Variants in BMP5 observed in about 807,000 individuals in gnomAD.
BMP5 encodes the protein bone morphogenetic protein 5.
In BMP5, 23 loss-of-function variants were observed where a neutral mutation model predicts 46.6. The ratio of observed to expected loss-of-function variants is 0.49; its 90% confidence interval spans 0.35 to 0.70. The LOEUF is 0.70. Among genes scored for constraint, BMP5 ranks in the 30% least tolerant of loss-of-function variants. The probability of loss-of-function intolerance (pLI) is 0.00; values close to 1 mark genes in which losing one functional copy is unlikely to be tolerated. For synonymous variants in BMP5, 204 were observed against 191.9 expected, an observed-to-expected ratio of 1.06 and a Z score of -0.52; for missense variants, 545 against 565.6, an observed-to-expected ratio of 0.96 and a Z score of 0.37.
intron 2 of BMP5, among the ~76,000 whole-genome samples, chr6:55,800,581 T>C (rs569558716): frequency 1.3e-5 from 2 of 152,286 alleles, no homozygotes; most frequent in East Asian, 1.9e-4. Flanking sequence ...GCATGTAGTA[T>C]TGGAAATGTT....
At chr6:55,851,702 G>A (rs560015795) in intron 1 of BMP5, among the ~76,000 whole-genome samples, 1 of 152,212 alleles carries the variant, frequency 6.6e-6, no homozygotes, top group East Asian at 1.9e-4. Flanking sequence ...CAACTTAAGA[G>A]GATTAAGTAT....
At chr6:55,775,780 T>C (rs1214300543) in intron 3 of BMP5, among the ~76,000 whole-genome samples, 2 of 151,906 alleles carry the variant, frequency 1.3e-5, no homozygotes, top group East Asian at 3.9e-4. Flanking sequence ...AAAATTTATT[T>C]TGGCAGCATA....
At chr6:55,855,858 T>C (rs1039220432) in intron 1 of BMP5, among the ~76,000 whole-genome samples, 3 of 152,214 alleles carry the variant, frequency 2.0e-5, no homozygotes, top group African/African-American at 7.2e-5. Context: ...TTATTTTAAA[T>C]AGCTCTTTTA....
At chr6:55,827,425 G>A (rs535519146) in intron 1 of BMP5, among the ~76,000 whole-genome samples, 6 of 151,564 alleles carry the variant, frequency 4.0e-5, no homozygotes, top group African/African-American at 2.4e-5. Flanking sequence ...CTACAACAGT[G>A]GATAGATAAA....
At chr6:55,794,253 A>C (rs1175364321) in intron 3 of BMP5, 26 bp downstream of exon 3, 1 of 1,613,378 alleles carries the variant, frequency 6.2e-7, no homozygotes, top group Non-Finnish European at 8.5e-7. Flanking sequence ...AGCTTCACAA[A>C]AAAATATATA....
intron 6 of BMP5, among the ~76,000 whole-genome samples, chr6:55,757,363 T>C (rs1008086531): frequency 6.6e-6 from 1 of 151,950 alleles, no homozygotes; most frequent in African/African-American, 2.4e-5. Flanking sequence ...CTTCAACTGA[T>C]AGGAGTTATT....
chr6:55,863,528 TCA>T lies in BMP5; in HGVS notation c.490+10846_490+10847del, dbSNP rs1174783191. On this transcript the variant is annotated intron_variant, in intron 1 of 6. Transcript: ENST00000370830. ...GATAAATTGAAATAACGCATAAAAA[TCA>T]CAGAGTCCAGTCTCTGCCATGGGAA... Among the ~76,000 whole-genome samples the T allele has an allele frequency of 1.2e-4, 19 of 152,314 alleles. No individual in the cohort carries two copies. The South Asian group carries it at 3.9e-3, about 32-fold the overall frequency.
intron 1 of BMP5, among the ~76,000 whole-genome samples, chr6:55,843,502 A>G (rs987348504): frequency 5.3e-5 from 8 of 151,964 alleles, no homozygotes; most frequent in African/African-American, 1.4e-4. Context: ...TTTCTGCTGT[A>G]ATGTAACACA....
chr6:55,772,429 T>C (rs573703230), intron 4 of BMP5, among the ~76,000 whole-genome samples: 1 of 152,022 alleles, frequency 6.6e-6, no homozygotes, highest in East Asian at 1.9e-4. Context: ...CCTCCAAAAT[T>C]ATTTACTATT....
At chr6:55,767,580 T>A (rs1207226758) in intron 4 of BMP5, among the ~76,000 whole-genome samples, 2 of 140,396 alleles carry the variant, frequency 1.4e-5, no homozygotes, top group African/African-American at 2.8e-5. Flanking sequence ...TAGATAAATA[T>A]ATAGATAGAG....
At chr6:55,858,402 C>T (rs1363495641) in intron 1 of BMP5, among the ~76,000 whole-genome samples, 3 of 151,540 alleles carry the variant, frequency 2.0e-5, no homozygotes, top group Admixed American at 6.6e-5. Flanking sequence ...TCAAAGCAAA[C>T]AACAGAAAAA....
intron 1 of BMP5, among the ~76,000 whole-genome samples, chr6:55,848,528 G>A (rs981333703): frequency 1.3e-5 from 2 of 151,910 alleles, no homozygotes; most frequent in African/African-American, 4.8e-5. Flanking sequence ...GAAAGTTCTT[G>A]TTTATCTCAT....
intron 3 of BMP5, among the ~76,000 whole-genome samples, chr6:55,774,776 AAAG>A: frequency 6.6e-6 from 1 of 152,012 alleles, no homozygotes; most frequent in Non-Finnish European, 1.5e-5. Flanking sequence ...CACTACACTT[AAAG>A]TTCTTCACAA....
chr6:55,755,531 T>C lies in BMP5; in HGVS notation c.*2A>G, dbSNP rs1774566326. The C allele has an allele frequency of 1.2e-6, 2 of 1,606,954 alleles. No homozygotes were observed. Among genetic ancestry groups the C allele is most frequent in the South Asian group, 1.1e-5 (1 of 90,772 alleles). On this transcript the variant is annotated 3_prime_UTR_variant, in exon 7 of 7. Coordinates refer to ENST00000370830, the MANE Select transcript of BMP5 (RefSeq NM_021073.4). ...TTTTGTTATTATCAATATTATTTAA[T>C]ATTAGTGGCAGCCACATGAGCGTAC...
chr6:55,768,308 A>G (rs1343622090), intron 4 of BMP5, among the ~76,000 whole-genome samples: 1 of 151,948 alleles, frequency 6.6e-6, no homozygotes, highest in Non-Finnish European at 1.5e-5. Flanking sequence ...TTGACTTAAG[A>G]TTTTTTAAAT....
intron 4 of BMP5, among the ~76,000 whole-genome samples, chr6:55,764,303 G>A (rs549885201): frequency 6.6e-6 from 1 of 152,276 alleles, no homozygotes; most frequent in East Asian, 1.9e-4. Flanking sequence ...GCCTGGCGTG[G>A]TGTCTCACAC....
chr6:55,837,183 C>G (rs993798350), intron 1 of BMP5, among the ~76,000 whole-genome samples: 1 of 151,882 alleles, frequency 6.6e-6, no homozygotes, highest in African/African-American at 2.4e-5. Context: ...TCCCGAGTAG[C>G]TGGAACTATG....
At chr6:55,855,539 G>T (rs1353585035) in intron 1 of BMP5, among the ~76,000 whole-genome samples, 2 of 152,044 alleles carry the variant, frequency 1.3e-5, no homozygotes, top group African/African-American at 4.8e-5. Flanking sequence ...CCAGAAGTTT[G>T]TTGATTACTT....
chr6:55,779,647 A>G (rs1163797188), intron 3 of BMP5, among the ~76,000 whole-genome samples: 1 of 152,092 alleles, frequency 6.6e-6, no homozygotes, highest in Non-Finnish European at 1.5e-5. Context: ...GTCTACTTAA[A>G]TTCTATATAT....
Sources: allele counts gnomAD v4.1 joint callset (sites outside exome capture counted in the v4.1 genomes callset), GRCh38; gene constraint gnomAD v4.1.1; transcripts MANE v1.5; gene names NCBI Gene and HGNC (gene_info 2026-07-23, HGNC 2026-07-21).